SPIRE2: variants seen among roughly 807,000 people sequenced by gnomAD.
SPIRE2 encodes protein spire homolog 2.
SPIRE2 carries 76 observed loss-of-function variants against 80.7 expected under a neutral mutation model. That is an observed-to-expected ratio of 0.94 (90% CI 0.78 to 1.14). The LOEUF (loss-of-function observed/expected upper bound fraction) is 1.14. Among genes scored for constraint, SPIRE2 ranks in the 50% most tolerant of loss-of-function variants. The probability of loss-of-function intolerance (pLI) is 0.00; values close to 1 mark genes in which losing one functional copy is unlikely to be tolerated. For synonymous variants in SPIRE2, 535 were observed against 432.6 expected (o/e 1.24, Z -2.94); for missense variants, 1,196 against 1,015.3 (o/e 1.18, Z -2.42).
rs747724647 is a variant in SPIRE2 at position 89,854,659 on chromosome 16, G to C, written c.891+8G>C. On this transcript the variant is annotated splice_region_variant and intron_variant, in intron 5 of 14. Coordinates refer to ENST00000378247, the MANE Select transcript of SPIRE2 (RefSeq NM_032451.2). Reference sequence around the variant, plus strand: ...AAGCTGCGCAAGGTCATGGTGAGCGGGGCAGACGCAGAGGGGCAGCCTGGA... The same window carrying C: ...AAGCTGCGCAAGGTCATGGTGAGCGCGGCAGACGCAGAGGGGCAGCCTGGA... The C allele has an allele frequency of 1.2e-6, 2 of 1,608,770 alleles. No individual in the cohort carries two copies.
chr16:89,833,919 C>T (rs539849950), intron 1 of SPIRE2, among the ~76,000 whole-genome samples: 47 of 152,026 alleles, frequency 3.1e-4, no homozygotes, highest in Non-Finnish European at 5.1e-4. Context: ...GGAGGCTGGC[C>T]GCTGTGTGTG....
In SPIRE2 at chr16:89,856,161, C is replaced by A. The variant is rs751419698; in HGVS notation, c.1027C>A (p.His343Asn). 1 of 1,611,282 alleles carries A rather than the reference C, an allele frequency of 6.2e-7. No homozygotes were observed. Among genetic ancestry groups the A allele is most frequent in the South Asian group, 1.1e-5 (1 of 90,744 alleles). Residue 343 changes from histidine to asparagine, a missense_variant, in exon 7 of 15, where the codon CAT becomes AAT. Coordinates refer to ENST00000378247, the MANE Select transcript of SPIRE2 (RefSeq NM_032451.2). ...RPLPPKQRSL[H>N]EKILEEIKQE... is the part of the protein sequence containing the mutation. ...GTTGCCACCAAAGCAAAGGTCCCTG[C>A]ATGAGAAGATCCTGGAGGAGATCAA...
At chr16:89,855,468 C>G (rs957057297) in intron 5 of SPIRE2, 132 bp from the exon 6 acceptor site, 2 of 722,372 alleles carry the variant, frequency 2.8e-6, no homozygotes, top group Non-Finnish European at 4.7e-6. Context: ...CAGCTGGGTC[C>G]CTGCGAGCAA....
intron 6 of SPIRE2, 45 bp from the exon 7 acceptor site, chr16:89,856,068 C>T (rs370169200): frequency 8.2e-6 from 13 of 1,589,614 alleles, no homozygotes; most frequent in Middle Eastern, 2.2e-4. Flanking sequence ...GCTTCCCCAC[C>T]GCAGGTCCTG....
At chr16:89,831,469 C>T (rs2041381272) in intron 1 of SPIRE2, among the ~76,000 whole-genome samples, 1 of 148,370 alleles carries the variant, frequency 6.7e-6, no homozygotes, top group Non-Finnish European at 1.5e-5. Context: ...GCGTTCTCGG[C>T]TCACTGCAAG....
Position 89,860,726 on chromosome 16 carries a change from C to T in SPIRE2, c.1506C>T (p.Leu502=), listed in dbSNP as rs1326105561. 6.3e-6 allele frequency: 10 copies of T among 1,591,054 alleles called. No homozygotes were observed. The South Asian group carries it at 1.0e-4, about 16-fold the overall frequency. The change falls in exon 10 of 15, where the codon CTC becomes CTT. Residue 502 remains leucine (L), a synonymous_variant. Coordinates refer to ENST00000378247, the MANE Select transcript of SPIRE2 (RefSeq NM_032451.2). ...ASVSDPSHPL[L]SNRGSSGDRP... is the part of the protein sequence containing the mutation. ...TCTCTGACCCCAGCCACCCCCTACT[C>T]AGCAACCGGGGCTCCTCGGGGGACA...
chr16:89,855,267 C>T (rs1464457897), intron 5 of SPIRE2, among the ~76,000 whole-genome samples: 1 of 152,128 alleles, frequency 6.6e-6, no homozygotes, highest in Non-Finnish European at 1.5e-5. Context: ...CGTAACAAAA[C>T]TCATGGAGCC....
Position 89,850,679 on chromosome 16 carries a change from C to A in SPIRE2, c.645+19C>A. 1 of 1,390,354 alleles carries A rather than the reference C, an allele frequency of 7.2e-7. No individual in the cohort carries two copies. Among genetic ancestry groups the A allele is most frequent in the Non-Finnish European group, 9.4e-7 (1 of 1,061,454 alleles). The allele number at this position is 1,390,354 out of a possible 1,614,324, so 86.1% of individuals were successfully genotyped here. A position where few individuals can be genotyped will look rare whatever the true frequency, so the allele number is the denominator to read the frequency against. On this transcript the variant is annotated intron_variant, in intron 3 of 14. Coordinates refer to ENST00000378247, the MANE Select transcript of SPIRE2 (RefSeq NM_032451.2). ...CAAGGAGGTGAGCGGTGGGTGGGGG[C>A]GACCGTGGAGGGTCCGGGAGGCCAG...
In SPIRE2 at chr16:89,850,594, CCG is replaced by C. The variant is rs985265254; in HGVS notation, c.585_586del (p.Phe197ArgfsTer132). The C allele has an allele frequency of 6.6e-7, 1 of 1,519,510 alleles. No homozygotes were observed. Among genetic ancestry groups the C allele is most frequent in the African/African-American group, 1.4e-5 (1 of 72,162 alleles). The allele number at this position is 1,519,510 out of a possible 1,614,324, so 94.1% of individuals were successfully genotyped here. On this transcript the variant is annotated frameshift_variant, in exon 3 of 15. Transcript: ENST00000378247. LOFTEE classifies it high-confidence loss of function. ...CACAGGCGCATTACCAGGCCGTGTG[CCG>C]CGCGCTCTTCGTGGAGACGCTGGAG... ...GAQAHYQAVC[R>X]ALFVETLELR...
At chr16:89,832,829 G>A (rs1012412426) in intron 1 of SPIRE2, among the ~76,000 whole-genome samples, 4 of 151,968 alleles carry the variant, frequency 2.6e-5, no homozygotes, top group Admixed American at 2.0e-4. Context: ...TGTTGTTGTT[G>A]TTGTTTTTTG....
intron 9 of SPIRE2, among the ~76,000 whole-genome samples, chr16:89,859,966 C>T (rs778620464): frequency 6.6e-6 from 1 of 152,230 alleles, no homozygotes; most frequent in Non-Finnish European, 1.5e-5. Flanking sequence ...ACAGCCCCTT[C>T]CCAGTGTTAA....
rs766012064 is a variant in SPIRE2 at position 89,856,154 on chromosome 16, G to C, written c.1020G>C (p.Arg340Ser). 1 of 1,611,596 alleles carries C rather than the reference G, an allele frequency of 6.2e-7. No homozygotes were observed. The highest frequency in any genetic ancestry group is 8.5e-7 in the Non-Finnish European group (1 of 1,179,560). ...RRLRPLPPKQ[R>S]SLHEKILEEI... Reference sequence around the variant, plus strand: ...TGCGCCCGTTGCCACCAAAGCAAAGGTCCCTGCATGAGAAGATCCTGGAGG... The same window carrying C: ...TGCGCCCGTTGCCACCAAAGCAAAGCTCCCTGCATGAGAAGATCCTGGAGG... Residue 340 changes from arginine to serine, a missense_variant, in exon 7 of 15, where the codon AGG (arginine) becomes AGC (serine). Coordinates refer to ENST00000378247, the MANE Select transcript of SPIRE2 (RefSeq NM_032451.2).
chr16:89,847,565 G>A (rs142539229), intron 2 of SPIRE2, among the ~76,000 whole-genome samples: 8 of 152,300 alleles, frequency 5.3e-5, no homozygotes, highest in East Asian at 3.9e-4. Flanking sequence ...AGGCGCATAC[G>A]TTAACCTGAT....
Position 89,870,037 on chromosome 16 carries a change from TC to T in SPIRE2, c.1923-10del. On this transcript the variant is annotated splice_polypyrimidine_tract_variant and intron_variant, in intron 14 of 14. Transcript: ENST00000378247. ...CTGGCTCCTCTCCCTGAGTGCCCTC[TC>T]CCACTTCCCAGGTCTCTGCAAGGGC... 6.2e-7 allele frequency: 1 copy of T among 1,608,782 alleles called. No homozygotes were observed. The highest frequency in any genetic ancestry group is 1.1e-5 in the South Asian group (1 of 90,428).
chr16:89,831,679 A>G (rs1486841697), intron 1 of SPIRE2, among the ~76,000 whole-genome samples: 3 of 150,792 alleles, frequency 2.0e-5, no homozygotes, highest in East Asian at 1.9e-4. Flanking sequence ...TTACAGGCGT[A>G]AGCCACCACG....
chr16:89,849,983 G>A (rs12932219), intron 2 of SPIRE2: 183,606 of 415,260 alleles, frequency 0.44, 41,716 homozygotes, highest in Non-Finnish European at 0.49. Flanking sequence ...GATTTCAGGC[G>A]TGCACCACCA....
At chr16:89,836,263 C>G (rs2041448279) in intron 1 of SPIRE2, 1 of 455,846 alleles carries the variant, frequency 2.2e-6, no homozygotes, top group Non-Finnish European at 4.4e-6. Flanking sequence ...GGGTCAGCAC[C>G]TGGACCCTCA....
At chr16:89,856,890 A>C (rs2041696163) in intron 7 of SPIRE2, among the ~76,000 whole-genome samples, 1 of 151,740 alleles carries the variant, frequency 6.6e-6, no homozygotes, top group Non-Finnish European at 1.5e-5. Context: ...GTGAGACCTC[A>C]TCTCTGCCAA....
chr16:89,865,421 G>T (rs1236857411), intron 12 of SPIRE2, among the ~76,000 whole-genome samples: 1 of 152,126 alleles, frequency 6.6e-6, no homozygotes, highest in African/African-American at 2.4e-5. Context: ...ATAAGTTAAA[G>T]ATGTATACCA....
Sources: allele counts gnomAD v4.1 joint callset (sites outside exome capture counted in the v4.1 genomes callset), GRCh38; gene constraint gnomAD v4.1.1; transcripts MANE v1.5; gene names NCBI Gene and HGNC (gene_info 2026-07-23, HGNC 2026-07-21).